The following CLEC2D variants were observed in gnomAD, a reference collection of about 807,000 sequenced individuals.
CLEC2D encodes C-type lectin related f.
Under a neutral mutation model 20.0 loss-of-function variants are expected in CLEC2D, and 16 were observed. That is an observed-to-expected ratio of 0.80 (90% confidence interval 0.54 to 1.22). The LOEUF is 1.22. Among genes scored for constraint, CLEC2D ranks in the 50% most tolerant of loss-of-function variants. CLEC2D has a pLI of 0.00. For missense variants in CLEC2D, 207 were observed against 221.5 expected, an observed-to-expected ratio of 0.93 and a Z score of 0.42; for synonymous variants, 77 against 71.1, an observed-to-expected ratio of 1.08 and a Z score of -0.42.
At chr12:9,686,519 C>T (rs1865753483) in intron 2 of CLEC2D, among the ~76,000 whole-genome samples, 1 of 152,040 alleles carries the variant, frequency 6.6e-6, no homozygotes, top group Admixed American at 6.6e-5. Context: ...CAGATTACAC[C>T]AGTTATTATT....
Position 9,695,294 on chromosome 12 carries a change from T to G in CLEC2D, c.*420T>G. 1.4e-6 allele frequency: 1 copy of G among 735,406 alleles called. No homozygotes were observed. Among genetic ancestry groups the G allele is most frequent in the Non-Finnish European group, 2.4e-6 (1 of 412,118 alleles). The allele number at this position is 735,406 out of a possible 1,614,324, so 45.6% of individuals were successfully genotyped here. On this transcript the variant is annotated 3_prime_UTR_variant, in exon 5 of 5. Transcript: ENST00000290855. Reference sequence around the variant, plus strand: ...ACAAGAACAGTATGGGGCTCCCTGGTGTGATTCCGTCCTGCGCGGCTGTTC... The same window carrying G: ...ACAAGAACAGTATGGGGCTCCCTGGGGTGATTCCGTCCTGCGCGGCTGTTC...
In CLEC2D at chr12:9,696,645, G is replaced by A. The variant is rs915079941; in HGVS notation, c.*1771G>A. ...CATGTGGAGATTATTACAATTCAAG[G>A]TGAAATTTGGGTGGAGACACAACCA... On this transcript the variant is annotated 3_prime_UTR_variant, in exon 5 of 5. Coordinates refer to ENST00000290855, the MANE Select transcript of CLEC2D (RefSeq NM_013269.6). 1 of 173,742 alleles carries A rather than the reference G, an allele frequency of 5.8e-6. No individual in the cohort carries two copies. Among genetic ancestry groups the A allele is most frequent in the Non-Finnish European group, 1.2e-5 (1 of 81,548 alleles). The allele number at this position is 173,742 out of a possible 1,614,324, so 10.8% of individuals were successfully genotyped here.
At chr12:9,682,501 A>C (rs906486406) in intron 2 of CLEC2D, among the ~76,000 whole-genome samples, 2 of 152,070 alleles carry the variant, frequency 1.3e-5, no homozygotes, top group Non-Finnish European at 2.9e-5. Context: ...TATTTCTCCT[A>C]ATGCTATCCC....
intron 2 of CLEC2D, among the ~76,000 whole-genome samples, chr12:9,685,496 C>T (rs1326333682): frequency 6.6e-6 from 1 of 152,224 alleles, no homozygotes; most frequent in Non-Finnish European, 1.5e-5. Flanking sequence ...ATCTATAAGC[C>T]CCTGACTGGG....
rs189591241 is a variant in CLEC2D, at chr12:9,696,067, T to C, written c.*1193T>C. 7.3e-6 allele frequency: 9 copies of C among 1,232,868 alleles called. No homozygotes were observed. The African/African-American group carries it at 8.8e-5, about 12-fold the overall frequency. The allele number at this position is 1,232,868 out of a possible 1,614,324, so 76.4% of individuals were successfully genotyped here. A position where few individuals can be genotyped will look rare whatever the true frequency, so the allele number is the denominator to read the frequency against. Reference sequence around the variant, plus strand: ...AAAATCTCCTAAAACACCAAAAGGATCTAGTTCTGTAGAAGACATTAAAGC... The same window carrying C: ...AAAATCTCCTAAAACACCAAAAGGACCTAGTTCTGTAGAAGACATTAAAGC... On this transcript the variant is annotated 3_prime_UTR_variant, in exon 5 of 5. Coordinates refer to ENST00000290855, the MANE Select transcript of CLEC2D (RefSeq NM_013269.6).
At position 9,687,808 on chromosome 12, in the gene CLEC2D, G is replaced by A. The variant is rs377066504; in HGVS notation, c.173-94G>A. 2.4e-5 allele frequency: 16 copies of A among 668,748 alleles called. 1 individual carries two copies. The East Asian group carries it at 3.4e-4, about 14-fold the overall frequency. 41.4% of individuals were successfully genotyped at this position (668,748 alleles called of 1,614,324 possible). On this transcript the variant is annotated intron_variant, in intron 2 of 4. Transcript: ENST00000290855. ...AAAATAATACATTTAATACTTAACA[G>A]GAGTGTCAGAAAGTATATTAGCACT...
At position 9,669,803 on chromosome 12, in the gene CLEC2D, G is replaced by A. The variant is rs1053222767; in HGVS notation, c.61+8G>A. ...AATTGCCTGCAAACCCAGGTAAGAA[G>A]CTGGGCTCTACAGAGTAAGTGTGAG... On this transcript the variant is annotated splice_region_variant and intron_variant, in intron 1 of 4. Coordinates refer to ENST00000290855, the MANE Select transcript of CLEC2D (RefSeq NM_013269.6). 1.2e-6 allele frequency: 2 copies of A among 1,605,580 alleles called. No individual in the cohort carries two copies. Among genetic ancestry groups the A allele is most frequent in the African/African-American group, 2.7e-5 (2 of 74,732 alleles).
At position 9,695,889 on chromosome 12, in the gene CLEC2D, T is replaced by A. The variant is rs1450057449; in HGVS notation, c.*1015T>A. The stretch of plus-strand genomic sequence containing the variant: ...ATGATGATGAAGATGATGATGATGA[T>A]GATGACGAGGAAGCTGAAGAAAAAG... On this transcript the variant is annotated 3_prime_UTR_variant, in exon 5 of 5. Coordinates refer to ENST00000290855, the MANE Select transcript of CLEC2D (RefSeq NM_013269.6). The A allele has an allele frequency of 1.8e-6, 2 of 1,102,274 alleles. No individual in the cohort carries two copies. Among genetic ancestry groups the A allele is most frequent in the Non-Finnish European group, 2.7e-6 (2 of 727,926 alleles). 68.3% of individuals were successfully genotyped at this position (1,102,274 alleles called of 1,614,324 possible). A position where few individuals can be genotyped will look rare whatever the true frequency, so the allele number is the denominator to read the frequency against.
At chr12:9,674,023 A>C (rs892329277) in intron 1 of CLEC2D, 1 of 152,392 alleles carries the variant, frequency 6.6e-6, no homozygotes, top group Non-Finnish European at 1.5e-5. Flanking sequence ...GCAGGGATCC[A>C]TGGGAGTAGA....
At chr12:9,687,798 A>G in intron 2 of CLEC2D, 104 bp from the exon 3 acceptor site, 1 of 619,750 alleles carries the variant, frequency 1.6e-6, no homozygotes, top group Non-Finnish European at 2.5e-6. Flanking sequence ...AATACATTTA[A>G]TACTTAACAG....
intron 2 of CLEC2D, among the ~76,000 whole-genome samples, chr12:9,684,268 T>C (rs1487886824): frequency 6.6e-6 from 1 of 152,140 alleles, no homozygotes; most frequent in Non-Finnish European, 1.5e-5. Flanking sequence ...GCTTAATAAG[T>C]TTTAAGGGGA....
At chr12:9,693,969 CTTTTTTT>C (rs67746754) in intron 4 of CLEC2D, 141 of 63,624 alleles carry the variant, frequency 2.2e-3, no homozygotes, top group South Asian at 3.7e-3. Flanking sequence ...CCTTGCTTGG[CTTTTTTT>C]TTTTTTTTTT....
At chr12:9,690,083 CCA>C (rs1865832756) in intron 3 of CLEC2D, among the ~76,000 whole-genome samples, 2 of 151,908 alleles carry the variant, frequency 1.3e-5, no homozygotes, top group African/African-American at 4.8e-5. Flanking sequence ...TTGACAAAAT[CCA>C]CAGAGAGAAT....
chr12:9,683,335 G>GTT (rs1357039664), intron 2 of CLEC2D, among the ~76,000 whole-genome samples: 717 of 11,188 alleles, frequency 0.064, 10 homozygotes, highest in African/African-American at 0.1. Flanking sequence ...TTTTGTGTTT[G>GTT]TTTTTTTTTT....
chr12:9,688,836 T>C (rs1386603164), intron 3 of CLEC2D, among the ~76,000 whole-genome samples: 1 of 152,224 alleles, frequency 6.6e-6, no homozygotes, highest in Non-Finnish European at 1.5e-5. Flanking sequence ...TCAAAAACTG[T>C]CTGAAGTAAC....
chr12:9,674,249 C>T (rs1382785746), intron 1 of CLEC2D: 1 of 152,202 alleles, frequency 6.6e-6, no homozygotes, highest in Admixed American at 6.5e-5. Context: ...GGTGTAGGCT[C>T]ATGAGGGAAT....
intron 3 of CLEC2D, among the ~76,000 whole-genome samples, chr12:9,690,694 T>C (rs1865843691): frequency 6.6e-6 from 1 of 152,050 alleles, no homozygotes; most frequent in Non-Finnish European, 1.5e-5. Flanking sequence ...TGAAATTATA[T>C]TGTTACAAGT....
At position 9,697,358 on chromosome 12, in the gene CLEC2D, A is replaced by T. The variant is rs934188441; in HGVS notation, c.*2484A>T. On this transcript the variant is annotated 3_prime_UTR_variant, in exon 5 of 5. Transcript: ENST00000290855. ...CTGCTGCAGTTAACTAGCCCAATCT[A>T]TTCCTTTAATTCGGCCCATCCCTTC... 6.6e-6 allele frequency: 1 copy of T among 152,206 alleles called. No homozygotes were observed. Among genetic ancestry groups the T allele is most frequent in the African/African-American group, 2.4e-5 (1 of 41,444 alleles). 9.4% of individuals were successfully genotyped at this position (152,206 alleles called of 1,614,324 possible). A position where few individuals can be genotyped will look rare whatever the true frequency, so the allele number is the denominator to read the frequency against.
chr12:9,679,732 A>G (rs748670545), intron 1 of CLEC2D, among the ~76,000 whole-genome samples: 14 of 152,338 alleles, frequency 9.2e-5, no homozygotes, highest in East Asian at 5.8e-4. Context: ...GGAAACATCA[A>G]TGTAAAGCTT....
Sources: allele counts gnomAD v4.1 joint callset (sites outside exome capture counted in the v4.1 genomes callset), GRCh38; gene constraint gnomAD v4.1.1; transcripts MANE v1.5; gene names NCBI Gene and HGNC (gene_info 2026-07-23, HGNC 2026-07-21).